Variants in MINK1 observed in about 807,000 individuals in gnomAD.
The protein encoded by MINK1 is misshapen-like kinase 1.
A neutral mutation model predicts 178.4 loss-of-function variants in MINK1; 46 were observed. The observed-to-expected ratio is 0.26, with a 90% CI of 0.20 to 0.33. MINK1 has a LOEUF of 0.33. Among genes scored for constraint, MINK1 ranks in the 10% least tolerant of loss-of-function variants. The pLI, the probability that MINK1 is intolerant of heterozygous loss-of-function variation, is 1.00. For missense variants in MINK1, 1,366 were observed against 1,814.9 expected, an observed-to-expected ratio of 0.75 and a Z score of 4.49; for synonymous variants, 797 against 709.7, an observed-to-expected ratio of 1.12 and a Z score of -1.96.
rs200813708 is a variant in MINK1, at chr17:4,896,850, C to T, written c.3915+37C>T. 7.0e-5 allele frequency: 108 copies of T among 1,533,312 alleles called. No individual in the cohort carries two copies. The highest frequency in any genetic ancestry group is 2.3e-4 in the Admixed American group (11 of 48,400). The allele number at this position is 1,533,312 out of a possible 1,614,324, so 95.0% of individuals were successfully genotyped here. A position where few individuals can be genotyped will look rare whatever the true frequency, so the allele number is the denominator to read the frequency against. ...CTTCCCTCTGAAAGCCCTGCTGTCCCGGCTGCCATGACCCTAGGCCCCTGG... is the reference window on the plus strand; with the variant it reads ...CTTCCCTCTGAAAGCCCTGCTGTCCTGGCTGCCATGACCCTAGGCCCCTGG... On this transcript the variant is annotated intron_variant, in intron 31 of 31. Coordinates refer to ENST00000355280, the MANE Select transcript of MINK1 (RefSeq NM_153827.5). This position sits in a 1 kb window ranked among gnomAD's most constrained non-coding sequence, Gnocchi z 4.6.
At chr17:4,892,802 G>T in intron 19 of MINK1, 34 bp downstream of exon 19, 1 of 1,555,344 alleles carries the variant, frequency 6.4e-7, no homozygotes, top group Non-Finnish European at 8.8e-7. Flanking sequence ...CCTGCTCTGG[G>T]CCTGGGGGCT....
rs933298085 is a variant in MINK1, at chr17:4,897,735, T to G, written c.*448T>G. On this transcript the variant is annotated 3_prime_UTR_variant, in exon 32 of 32. Transcript: ENST00000355280. ...CACTGGGCCCTAGATTTTTGGGGGGTCACCAGCCACTCCAGGGGCAGGGAC... is the reference window on the plus strand; with the variant it reads ...CACTGGGCCCTAGATTTTTGGGGGGGCACCAGCCACTCCAGGGGCAGGGAC... The G allele has an allele frequency of 1.3e-5, 2 of 152,200 alleles. No homozygotes were observed. The highest frequency in any genetic ancestry group is 2.5e-5 in the African/African-American group (1 of 40,504). The allele number at this position is 152,200 out of a possible 1,614,324, so 9.4% of individuals were successfully genotyped here.
chr17:4,883,546 T>C (rs1239320515), intron 4 of MINK1, among the ~76,000 whole-genome samples: 1 of 151,436 alleles, frequency 6.6e-6, no homozygotes, highest in Non-Finnish European at 1.5e-5. Context: ...TTTGTTTGTT[T>C]TTTGAGACAG....
At chr17:4,845,364 C>A in intron 1 of MINK1, among the ~76,000 whole-genome samples, 1 of 152,164 alleles carries the variant, frequency 6.6e-6, no homozygotes, top group Non-Finnish European at 1.5e-5. Context: ...TGCTCATGTT[C>A]GTCATCTTGC....
chr17:4,840,041 T>A (rs1909978059), intron 1 of MINK1, among the ~76,000 whole-genome samples: 1 of 151,816 alleles, frequency 6.6e-6, no homozygotes, highest in South Asian at 2.1e-4. Flanking sequence ...TGGGCACATA[T>A]AACAAGAGTT....
Position 4,889,726 on chromosome 17 carries a change from GGCGGGAGGAGGA to G in MINK1, c.1315_1326del (p.Glu439_Arg442del). On this transcript the variant is annotated inframe_deletion, in exon 13 of 32. Coordinates refer to ENST00000355280, the MANE Select transcript of MINK1 (RefSeq NM_153827.5). ...CGGCTGGAGGACATGCAGGCTCTGC[GGCGGGAGGAGGA>G]GCGGCGGCAGGCGGAGCGCGAGCAG... is the stretch of plus-strand genomic sequence containing the variant. 2 of 1,549,936 alleles carry G rather than the reference GGCGGGAGGAGGA, an allele frequency of 1.3e-6. No individual in the cohort carries two copies. Among genetic ancestry groups the G allele is most frequent in the Non-Finnish European group, 1.7e-6 (2 of 1,150,064 alleles).
chr17:4,888,751 A>G (rs1386633709), intron 12 of MINK1, among the ~76,000 whole-genome samples: 1 of 132,432 alleles, frequency 7.6e-6, no homozygotes. Context: ...TGACGAGTGC[A>G]GTGGCGCACT....
In MINK1 at chr17:4,833,596, GC is replaced by G; in HGVS notation, c.18del (p.Ala7ProfsTer67). On this transcript the variant is annotated frameshift_variant, in exon 1 of 32. Coordinates refer to ENST00000355280, the MANE Select transcript of MINK1 (RefSeq NM_153827.5). LOFTEE classifies it high-confidence loss of function. The surrounding 1 kb of genome is among the most constrained non-coding windows in gnomAD (Gnocchi z 4.8). ...CCCCACGGAGGCCATGGGCGACCCA[GC>G]CCCCGCCCGCAGCCTGGACGACATC... MGDP[A>X]PARSLDDIDL... 3 of 1,500,180 alleles carry G rather than the reference GC, an allele frequency of 2.0e-6. No homozygotes were observed. The highest frequency in any genetic ancestry group is 1.8e-6 in the Non-Finnish European group (2 of 1,131,072). The allele number at this position is 1,500,180 out of a possible 1,614,324, so 92.9% of individuals were successfully genotyped here.
chr17:4,861,394 C>T (rs770850027), intron 1 of MINK1, among the ~76,000 whole-genome samples: 3 of 152,200 alleles, frequency 2.0e-5, no homozygotes, highest in Non-Finnish European at 2.9e-5. Flanking sequence ...ACATCTATTT[C>T]GACCCACATG....
At chr17:4,868,670 T>C (rs1185470568) in intron 1 of MINK1, among the ~76,000 whole-genome samples, 1 of 152,234 alleles carries the variant, frequency 6.6e-6, no homozygotes, top group East Asian at 1.9e-4. Flanking sequence ...AGGTTAACGC[T>C]ATATCTTGGC....
intron 1 of MINK1, among the ~76,000 whole-genome samples, chr17:4,870,104 G>A (rs540224177): frequency 1.3e-5 from 2 of 151,686 alleles, no homozygotes; most frequent in Non-Finnish European, 2.9e-5. Flanking sequence ...AGTAGAGACG[G>A]GGTTTCACCG....
Position 4,865,436 on chromosome 17 carries a change from A to T in MINK1, c.58-12881A>T, listed in dbSNP as rs191382433. The stretch of plus-strand genomic sequence containing the variant: ...GCAACAGGGTGAGACACTGTCTCAA[A>T]AAATAAATAAATAAATAAATAAATA... On this transcript the variant is annotated intron_variant, in intron 1 of 31. Transcript: ENST00000355280. Among the ~76,000 whole-genome samples the T allele has an allele frequency of 2.0e-3, 304 of 152,044 alleles. 1 individual carries two copies. Among genetic ancestry groups the T allele is most frequent in the Non-Finnish European group, 3.6e-3 (246 of 67,988 alleles).
At chr17:4,856,872 G>A (rs146233957) in intron 1 of MINK1, 44 of 161,250 alleles carry the variant, frequency 2.7e-4, no homozygotes, top group East Asian at 8.2e-4. Flanking sequence ...CAGCACATGC[G>A]TGTCAGGCTG....
At chr17:4,858,216 G>GC (rs1913507913) in intron 1 of MINK1, among the ~76,000 whole-genome samples, 1 of 152,048 alleles carries the variant, frequency 6.6e-6, no homozygotes, top group African/African-American at 2.4e-5. Context: ...CACTGCCTTT[G>GC]CCCCCCTCTT....
chr17:4,876,381 G>T (rs1014136953), intron 1 of MINK1, among the ~76,000 whole-genome samples: 1 of 152,178 alleles, frequency 6.6e-6, no homozygotes, highest in Non-Finnish European at 1.5e-5. Context: ...GCTCTGATGG[G>T]GCAGGCACAG....
rs1175213548 is a variant in MINK1, at chr17:4,896,407, T to C, written c.3616-22T>C. ...GTCTGGGCACCAGACACGGAGACTC[T>C]AGTCCCCCTCCTTCTCCCCAGATCC... On this transcript the variant is annotated intron_variant, in intron 29 of 31. Coordinates refer to ENST00000355280, the MANE Select transcript of MINK1 (RefSeq NM_153827.5). This position sits in a 1 kb window ranked among gnomAD's most constrained non-coding sequence, Gnocchi z 4.6. The C allele has an allele frequency of 1.2e-6, 2 of 1,612,758 alleles. No individual in the cohort carries two copies. The highest frequency in any genetic ancestry group is 2.7e-5 in the African/African-American group (2 of 74,880).
intron 1 of MINK1, among the ~76,000 whole-genome samples, chr17:4,869,914 C>CT (rs564177039): frequency 0.026 from 3,294 of 127,686 alleles, 130 homozygotes; most frequent in African/African-American, 0.09. Context: ...TTTTTTCTTT[C>CT]TTTTTTTTTT....
In MINK1 at chr17:4,897,413, G is replaced by T. The variant is rs1969664328; in HGVS notation, c.*126G>T. ...TACTGGTTTGATTTCACTGGAGCCT[G>T]CTGGGAACGTGACCTCTGACCCCTG... On this transcript the variant is annotated 3_prime_UTR_variant, in exon 32 of 32. Coordinates refer to ENST00000355280, the MANE Select transcript of MINK1 (RefSeq NM_153827.5). 3 of 815,178 alleles carry T rather than the reference G, an allele frequency of 3.7e-6. No individual in the cohort carries two copies. The highest frequency in any genetic ancestry group is 5.9e-6 in the Non-Finnish European group (3 of 507,728). The allele number at this position is 815,178 out of a possible 1,614,324, so 50.5% of individuals were successfully genotyped here. A position where few individuals can be genotyped will look rare whatever the true frequency, so the allele number is the denominator to read the frequency against.
chr17:4,891,365 A>G, intron 15 of MINK1, 91 bp from the exon 16 acceptor site: 2 of 1,453,884 alleles, frequency 1.4e-6, no homozygotes, highest in Non-Finnish European at 1.8e-6. Flanking sequence ...AGGAAGGGGC[A>G]GCTAAAGTCC....
Sources: allele counts gnomAD v4.1 joint callset (sites outside exome capture counted in the v4.1 genomes callset), GRCh38; gene constraint gnomAD v4.1.1; non-coding constraint Gnocchi (gnomAD v3.1); transcripts MANE v1.5; gene names NCBI Gene and HGNC (gene_info 2026-07-23, HGNC 2026-07-21).